The following FRY variants were observed in gnomAD, a reference collection of about 807,000 sequenced individuals.
The protein encoded by FRY is protein furry homolog.
Under a neutral mutation model 348.4 loss-of-function variants are expected in FRY, and 128 were observed. The observed-to-expected ratio is 0.37, with a 90% CI of 0.32 to 0.43. The LOEUF (loss-of-function observed/expected upper bound fraction) is 0.43, where lower values mean the gene tolerates loss of function less well. Ranked by LOEUF, FRY falls within the 20% of genes least tolerant of loss-of-function variation. FRY has a pLI of 1.00. For missense variants in FRY, 2,736 were observed against 3,695.2 expected (o/e 0.74, Z 6.73); for synonymous variants, 1,370 against 1,374.7 (o/e 1.00, Z 0.08).
intron 58 of FRY, among the ~76,000 whole-genome samples, chr13:32,285,414 C>A (rs539913011): frequency 3.3e-5 from 5 of 152,222 alleles, no homozygotes; most frequent in African/African-American, 7.2e-5. Context: ...TAAAAAGGAA[C>A]GTTTAGGAAG....
chr13:32,118,464 C>T (rs1470683908), intron 4 of FRY, among the ~76,000 whole-genome samples: 1 of 152,114 alleles, frequency 6.6e-6, no homozygotes, highest in African/African-American at 2.4e-5. Context: ...TACCATGTTA[C>T]ACTTCAACAA....
intron 26 of FRY, among the ~76,000 whole-genome samples, chr13:32,186,026 G>T (rs1883006282): frequency 1.3e-5 from 2 of 152,114 alleles, no homozygotes; most frequent in Non-Finnish European, 1.5e-5. Flanking sequence ...TCCTATTTTT[G>T]ATCTTTCTTT....
chr13:32,250,612 A>T (rs1887025644), intron 49 of FRY, among the ~76,000 whole-genome samples: 1 of 152,200 alleles, frequency 6.6e-6, no homozygotes, highest in Non-Finnish European at 1.5e-5. Context: ...ATCTTGCAGG[A>T]CATGCGAGGG....
At chr13:32,244,268 G>A (rs1024825438) in intron 47 of FRY, 86 bp downstream of exon 47, 2 of 1,250,470 alleles carry the variant, frequency 1.6e-6, no homozygotes, top group African/African-American at 3.0e-5. Context: ...AAACCATCTG[G>A]GTGCCAGGCC....
intron 11 of FRY, among the ~76,000 whole-genome samples, chr13:32,138,644 A>G (rs1879867113): frequency 6.6e-6 from 1 of 152,210 alleles, no homozygotes. Flanking sequence ...AGAGGCAGTA[A>G]GGCCAGAAAG....
At chr13:32,243,871 C>A (rs1199119532) in intron 46 of FRY, among the ~76,000 whole-genome samples, 171 bp from the exon 47 acceptor site, 1 of 152,176 alleles carries the variant, frequency 6.6e-6, no homozygotes, top group Non-Finnish European at 1.5e-5. Context: ...GCAGGAGGAT[C>A]TCTTGAGGCC....
chr13:32,117,361 G>A lies in FRY; in HGVS notation c.352G>A (p.Glu118Lys). The change falls in exon 4 of 61, where the codon GAG becomes AAG. Residue 118 changes from glutamate to lysine, a missense_variant. By Grantham distance (56) the Glu-to-Lys change is moderately conservative (BLOSUM62 1). Transcript: ENST00000542859. ...QVISSMSSLS[E>K]YCLPSILRTL... ...CATCAGCTCAATGAGCTCCCTTTCTGAGTACTGCCTGCCTTCCATTCTACG... is the reference window on the plus strand; with the variant it reads ...CATCAGCTCAATGAGCTCCCTTTCTAAGTACTGCCTGCCTTCCATTCTACG... 1.9e-6 allele frequency: 3 copies of A among 1,613,978 alleles called. No homozygotes were observed. Among genetic ancestry groups the A allele is most frequent in the Non-Finnish European group, 2.5e-6 (3 of 1,179,888 alleles).
At chr13:32,282,218 T>G (rs762915952) in intron 58 of FRY, among the ~76,000 whole-genome samples, 8 of 152,182 alleles carry the variant, frequency 5.3e-5, no homozygotes, top group Non-Finnish European at 1.2e-4. Context: ...TTAGCTTACC[T>G]CTAAGTGATT....
At chr13:32,131,176 A>G (rs181636810) in intron 7 of FRY, among the ~76,000 whole-genome samples, 138 of 152,356 alleles carry the variant, frequency 9.1e-4, no homozygotes, top group African/African-American at 3.2e-3. Context: ...TCCTACAACT[A>G]TAAAGGAAAT....
At chr13:32,134,846 A>G in intron 8 of FRY, 58 bp from the exon 9 acceptor site, 1 of 1,015,414 alleles carries the variant, frequency 9.8e-7, no homozygotes, top group Non-Finnish European at 1.6e-6. Flanking sequence ...GTTTAAATAC[A>G]TTCTATGTGT....
At chr13:32,232,356 T>TTCC (rs1424701179) in intron 41 of FRY, among the ~76,000 whole-genome samples, 1 of 152,200 alleles carries the variant, frequency 6.6e-6, no homozygotes, top group African/African-American at 2.4e-5. Flanking sequence ...TGATTCTGAT[T>TTCC]TCCTTGTACA....
chr13:32,157,293 C>G lies in FRY; in HGVS notation c.1672C>G (p.Gln558Glu). The G allele has an allele frequency of 6.2e-7, 1 of 1,612,458 alleles. No homozygotes were observed. The highest frequency in any genetic ancestry group is 1.7e-4 in the Middle Eastern group (1 of 6,046). ...TTCAGGCATGTCCTTATATTACTCTCAAGTACGAAAAGCTGTAGACAACAT... is the reference window on the plus strand; with the variant it reads ...TTCAGGCATGTCCTTATATTACTCTGAAGTACGAAAAGCTGTAGACAACAT... ...KMIGMSLYYS[Q>E]VRKAVDNILR... Residue 558 changes from glutamine (Q) to glutamate (E), a missense_variant, in exon 16 of 61, where the codon CAA becomes GAA. Around this residue, in one of 9 missense-constraint regions of FRY, gnomAD observed 191 missense variants for 370.2 expected, o/e 0.52. Coordinates refer to ENST00000542859, the MANE Select transcript of FRY (RefSeq NM_023037.3).
chr13:32,158,216 T>A (rs952642592), intron 16 of FRY, among the ~76,000 whole-genome samples: 1 of 152,220 alleles, frequency 6.6e-6, no homozygotes, highest in Non-Finnish European at 1.5e-5. Flanking sequence ...TTAAAATATG[T>A]ATTTGGTAGA....
At chr13:32,236,275 G>C (rs1298598831) in intron 43 of FRY, 103 bp downstream of exon 43, 2 of 878,874 alleles carry the variant, frequency 2.3e-6, no homozygotes, top group Admixed American at 2.0e-5. Context: ...TCTAGTTTTT[G>C]AAGTATATTT....
chr13:32,046,867 G>T (rs556243387), intron 1 of FRY, among the ~76,000 whole-genome samples: 1 of 152,194 alleles, frequency 6.6e-6, no homozygotes, highest in Non-Finnish European at 1.5e-5. Context: ...AAGAAATTAT[G>T]TAGGCTCATT....
chr13:32,259,302 C>T (rs1003221471), intron 51 of FRY, among the ~76,000 whole-genome samples: 7 of 152,214 alleles, frequency 4.6e-5, no homozygotes, highest in African/African-American at 1.7e-4. Context: ...TCATCTCAAC[C>T]TCTCAGCCAC....
chr13:32,244,111 A>C lies in FRY; in HGVS notation c.6757A>C (p.Met2253Leu). The C allele has an allele frequency of 6.2e-7, 1 of 1,613,870 alleles. No individual in the cohort carries two copies. The highest frequency in any genetic ancestry group is 8.5e-7 in the Non-Finnish European group (1 of 1,179,748). ...LQVIYSLLSYMDLSVVPVKQF... is the reference protein window; with the variant it reads ...LQVIYSLLSYLDLSVVPVKQF... ...GGTGATCTACAGTCTTCTCAGCTAC[A>C]TGGACCTTTCTGTCGTTCCTGTCAA... Residue 2253 changes from methionine to leucine, a missense_variant, in exon 47 of 61, where the codon ATG (methionine) becomes CTG (leucine). Met to Leu is a conservative substitution (Grantham distance 15). This residue lies in a region of FRY where 789 missense variants were observed against 996.2 expected (regional missense o/e 0.79). Transcript: ENST00000542859.
In FRY at chr13:32,224,283, C is replaced by A. The variant is rs769503228; in HGVS notation, c.4814C>A (p.Thr1605Asn). The change falls in exon 37 of 61, where the codon ACC becomes AAC. Residue 1605 changes from threonine to asparagine, a missense_variant. Transcript: ENST00000542859. ...GGCTGGTTGCTGACTATTACAGAGA[C>A]CAAGCAGCCGCAGCCCTTACCGATG... is the stretch of plus-strand genomic sequence containing the variant. ...YTGWLLTITE[T>N]KQPQPLPMPC... 1.9e-6 allele frequency: 3 copies of A among 1,613,928 alleles called. No homozygotes were observed. Among genetic ancestry groups the A allele is most frequent in the South Asian group, 1.1e-5 (1 of 91,080 alleles).
chr13:32,206,989 G>A (rs907224667), intron 31 of FRY, among the ~76,000 whole-genome samples: 2 of 152,082 alleles, frequency 1.3e-5, no homozygotes, highest in African/African-American at 4.8e-5. Context: ...CATGTCTATG[G>A]CATTTTTCTT....
Sources: gnomAD v4.1 joint callset for allele counts (sites outside exome capture counted in the v4.1 genomes callset) on GRCh38, gnomAD v4.1.1 for gene constraint, gnomAD v4.1.1 regional missense constraint, MANE v1.5 for transcripts, NCBI Gene and HGNC (gene_info 2026-07-23, HGNC 2026-07-21) for gene names.